Variants in DPP10 observed in about 807,000 individuals in gnomAD.
DPP10 encodes the protein dipeptidyl peptidase like 10.
DPP10 carries 33 observed loss-of-function variants against 120.9 expected under a neutral mutation model. The ratio of observed to expected loss-of-function variants is 0.27; its 90% CI spans 0.21 to 0.37. The LOEUF is 0.37. DPP10 is among the 10% of genes least tolerant of loss of function. The pLI is 1.00. For missense variants in DPP10, 816 were observed against 942.8 expected (o/e 0.87, Z 1.76); for synonymous variants, 337 against 326.1 (o/e 1.03, Z -0.36).
At chr2:115,192,844 T>C (rs1193371404) in intron 1 of DPP10, among the ~76,000 whole-genome samples, 8 of 151,844 alleles carry the variant, frequency 5.3e-5, no homozygotes, top group South Asian at 2.1e-4. Context: ...GAAAAACCCA[T>C]TGTGCTTTGA....
At chr2:115,700,906 T>A (rs905003524) in intron 7 of DPP10, among the ~76,000 whole-genome samples, 4 of 151,968 alleles carry the variant, frequency 2.6e-5, no homozygotes, top group African/African-American at 7.2e-5. Flanking sequence ...ACTCATACAA[T>A]GAAAACTAAA....
intron 3 of DPP10, among the ~76,000 whole-genome samples, chr2:115,399,082 G>A (rs72957790): frequency 0.016 from 2,363 of 152,034 alleles, 60 homozygotes; most frequent in African/African-American, 0.053. Flanking sequence ...AGGCAGTGTC[G>A]GTGACATTTT....
At chr2:115,102,544 G>T (rs769335724) in intron 1 of DPP10, among the ~76,000 whole-genome samples, 3 of 152,082 alleles carry the variant, frequency 2.0e-5, no homozygotes, top group Non-Finnish European at 4.4e-5. Flanking sequence ...CCAAGTAGCT[G>T]GGACTACAGG....
At chr2:115,076,376 A>C (rs896870401) in intron 1 of DPP10, among the ~76,000 whole-genome samples, 1 of 148,698 alleles carries the variant, frequency 6.7e-6, no homozygotes, top group African/African-American at 2.5e-5. Context: ...GCACATAAAA[A>C]TATTTTTTTT....
At chr2:114,864,753 C>T (rs1464760199) in intron 1 of DPP10, among the ~76,000 whole-genome samples, 1 of 152,156 alleles carries the variant, frequency 6.6e-6, no homozygotes, top group East Asian at 1.9e-4. Flanking sequence ...TCCAACTGCA[C>T]AGTGGACCTA....
rs2106050011 is a variant in DPP10 at position 114,752,341 on chromosome 2, A to G, written c.60+309503A>G. 2.6e-5 allele frequency among the ~76,000 whole-genome samples: 4 copies of G among 152,336 alleles called. No individual in the cohort carries two copies. In the Middle Eastern group the frequency reaches 0.01, roughly 389 times the overall value. ...GAAAAAGAAATCCTGCCAAAGTTGAAGAACGTCTCCCAACCTTTTAGACAC... is the reference window on the plus strand; with the variant it reads ...GAAAAAGAAATCCTGCCAAAGTTGAGGAACGTCTCCCAACCTTTTAGACAC... On this transcript the variant is annotated intron_variant, in intron 1 of 25. Coordinates refer to ENST00000410059, the MANE Select transcript of DPP10 (RefSeq NM_020868.6).
At chr2:115,731,983 C>T (rs2092922208) in intron 8 of DPP10, among the ~76,000 whole-genome samples, 1 of 152,188 alleles carries the variant, frequency 6.6e-6, no homozygotes, top group Non-Finnish European at 1.5e-5. Context: ...TGGAATGTGC[C>T]AGGAGCTCCC....
rs531567801 is a variant in DPP10, at chr2:114,758,757, A to G, written c.60+315919A>G. ...TTTTACAGCAAAACTTTGATTAATC[A>G]CACTGAAAAATAGCAGAAATCTCAA... On this transcript the variant is annotated intron_variant, in intron 1 of 25. Coordinates refer to ENST00000410059, the MANE Select transcript of DPP10 (RefSeq NM_020868.6). 3.9e-5 allele frequency among the ~76,000 whole-genome samples: 6 copies of G among 152,326 alleles called. 1 individual carries two copies. The highest frequency in any genetic ancestry group is 1.4e-4 in the African/African-American group (6 of 41,582).
rs1031391553 is a variant in DPP10 at position 115,845,030 on chromosome 2, C to G, written c.*2685C>G. 1 of 152,162 alleles carries G rather than the reference C, an allele frequency of 6.6e-6. No homozygotes were observed. The highest frequency in any genetic ancestry group is 1.5e-5 in the Non-Finnish European group (1 of 68,022). 9.4% of individuals were successfully genotyped at this position (152,162 alleles called of 1,614,324 possible). A position where few individuals can be genotyped will look rare whatever the true frequency, so the allele number is the denominator to read the frequency against. On this transcript the variant is annotated 3_prime_UTR_variant, in exon 26 of 26. Coordinates refer to ENST00000410059, the MANE Select transcript of DPP10 (RefSeq NM_020868.6). ...TTAATTGGGTGTTTAGCATAAAAAT[C>G]ACTATTGGGGATCTTACAGATGTCT...
intron 1 of DPP10, among the ~76,000 whole-genome samples, chr2:114,730,355 C>T (rs1394085969): frequency 6.6e-6 from 1 of 152,206 alleles, no homozygotes; most frequent in East Asian, 1.9e-4. Context: ...AGACCACAGA[C>T]AAACCACCCA....
chr2:114,852,696 A>G (rs1394739346), intron 1 of DPP10, among the ~76,000 whole-genome samples: 1 of 152,110 alleles, frequency 6.6e-6, no homozygotes, highest in African/African-American at 2.4e-5. Context: ...TTTGTCTTGT[A>G]ATCATTCCTG....
rs141641003 is a variant in DPP10 at position 115,382,660 on chromosome 2, A to G, written c.271+38748A>G. Among the ~76,000 whole-genome samples the G allele has an allele frequency of 3.7e-3, 566 of 152,346 alleles. 2 individuals are homozygous for G. Among genetic ancestry groups the G allele is most frequent in the Middle Eastern group, 0.014 (4 of 294 alleles). On this transcript the variant is annotated intron_variant, in intron 3 of 25. Transcript: ENST00000410059. The stretch of plus-strand genomic sequence containing the variant: ...AAATTGCTTTTAATGAAGGAGAGGT[A>G]TGAGGTAAAAGTAGGGACATTTTGC...
chr2:114,948,547 T>C (rs1464555592), intron 1 of DPP10, among the ~76,000 whole-genome samples: 1 of 152,206 alleles, frequency 6.6e-6, no homozygotes, highest in African/African-American at 2.4e-5. Flanking sequence ...TTTCCCTTTT[T>C]ATAATTTTAA....
chr2:115,719,314 G>T (rs926752504), intron 7 of DPP10, among the ~76,000 whole-genome samples: 2 of 152,160 alleles, frequency 1.3e-5, no homozygotes, highest in Non-Finnish European at 2.9e-5. Context: ...TGCTGCAAAG[G>T]TTTTAAGAAA....
intron 1 of DPP10, among the ~76,000 whole-genome samples, chr2:114,723,896 T>G (rs1223611489): frequency 6.6e-6 from 1 of 152,208 alleles, no homozygotes; most frequent in Non-Finnish European, 1.5e-5. Context: ...AATTGAATGT[T>G]GGAAGTCACA....
chr2:114,695,685 G>A (rs971073801), intron 1 of DPP10, among the ~76,000 whole-genome samples: 4 of 152,126 alleles, frequency 2.6e-5, no homozygotes, highest in African/African-American at 7.2e-5. Flanking sequence ...ATTCTTAACA[G>A]CATTTCTCTG....
rs576612444 is a variant in DPP10 at position 115,791,100 on chromosome 2, C to G, written c.1551C>G (p.Ser517Arg). ...TTACAGAATATTTTATATTGGAAAG[C>G]AATTCTATGCTGAAGGAAGCTATCC... is the stretch of plus-strand genomic sequence containing the variant. ...DNPAKYFILE[S>R]NSMLKEAILK... Residue 517 changes from serine to arginine, a missense_variant, in exon 18 of 26, where the codon AGC becomes AGG. By Grantham distance (110) the Ser-to-Arg change is moderately radical. Around this residue, in one of 3 missense-constraint regions of DPP10, gnomAD observed 592 missense variants for 649.0 expected, o/e 0.91. Transcript: ENST00000410059. The G allele has an allele frequency of 1.2e-5, 20 of 1,612,624 alleles. No individual in the cohort carries two copies. The Admixed American group carries it at 3.3e-4, about 27-fold the overall frequency.
chr2:114,732,785 T>A, intron 1 of DPP10, among the ~76,000 whole-genome samples: 1 of 152,194 alleles, frequency 6.6e-6, no homozygotes, highest in Non-Finnish European at 1.5e-5. Context: ...TGCCAAGCAT[T>A]TTACTTGCAT....
chr2:114,449,940 C>T (rs909467709), intron 1 of DPP10, among the ~76,000 whole-genome samples: 1 of 152,112 alleles, frequency 6.6e-6, no homozygotes, highest in South Asian at 2.1e-4. Flanking sequence ...AAGATTTCAT[C>T]ATGAACCTTT....
Sources: allele counts gnomAD v4.1 joint callset (sites outside exome capture counted in the v4.1 genomes callset), GRCh38; gene constraint gnomAD v4.1.1; regional missense constraint gnomAD v4.1.1; transcripts MANE v1.5; gene names NCBI Gene and HGNC (gene_info 2026-07-23, HGNC 2026-07-21).